The following BCOR variants were observed in gnomAD, a reference collection of about 807,000 sequenced individuals.
BCOR encodes the protein BCL-6 corepressor.
Under a neutral mutation model 86.7 loss-of-function variants are expected in BCOR, and 10 were observed. That is an observed-to-expected ratio of 0.12 (90% CI 0.07 to 0.20). The LOEUF (loss-of-function observed/expected upper bound fraction) is 0.20, where lower values mean the gene tolerates loss of function less well. Ranked by LOEUF, BCOR falls within the 10% of genes least tolerant of loss-of-function variation. The probability of loss-of-function intolerance (pLI) is 1.00; values close to 1 mark genes in which losing one functional copy is unlikely to be tolerated. For synonymous variants in BCOR, 611 were observed against 609.0 expected (o/e 1.00, Z -0.05); for missense variants, 1,259 against 1,452.1 (o/e 0.87, Z 2.16).
rs191816252 is a variant in BCOR, at chrX:40,058,436, G to T, written c.4429-1115C>A. Reference sequence around the variant, plus strand: ...CCAACACATGTTCCACTTGGCAAGGGGGGAGCTTGATGGGTCACAGCAGGC... The same window carrying T: ...CCAACACATGTTCCACTTGGCAAGGTGGGAGCTTGATGGGTCACAGCAGGC... On this transcript the variant is annotated intron_variant, in intron 10 of 14. Coordinates refer to ENST00000378444, the MANE Select transcript of BCOR (RefSeq NM_001123385.2). Among the ~76,000 whole-genome samples, 10 of 111,724 alleles carry T rather than the reference G, an allele frequency of 9.0e-5. No individual in the cohort carries two copies. In the East Asian group the frequency reaches 2.5e-3, roughly 28 times the overall value.
intron 1 of BCOR, among the ~76,000 whole-genome samples, chrX:40,175,048 C>T (rs1341437707): frequency 8.9e-6 from 1 of 112,286 alleles, no homozygotes; most frequent in Non-Finnish European, 1.9e-5. Flanking sequence ...GGTTTCCTGG[C>T]GAAGCGCCCA....
intron 3 of BCOR, among the ~76,000 whole-genome samples, chrX:40,075,767 T>A (rs997088186): frequency 9.0e-6 from 1 of 110,944 alleles, no homozygotes; most frequent in Non-Finnish European, 1.9e-5. Flanking sequence ...TCTAAAAAAA[T>A]TAAAATTAAA....
chrX:40,117,981 T>TCTCTCTCC (rs1218999433), intron 1 of BCOR, among the ~76,000 whole-genome samples: 1 of 103,125 alleles, frequency 9.7e-6, no homozygotes, highest in African/African-American at 3.7e-5. Context: ...TCTCTCTCTC[T>TCTCTCTCC]CCACCCCCCC....
At chrX:40,127,024 TCA>T (rs1937552622) in intron 1 of BCOR, among the ~76,000 whole-genome samples, 1 of 111,115 alleles carries the variant, frequency 9.0e-6, no homozygotes, top group South Asian at 3.8e-4. Context: ...ACAATATATT[TCA>T]GTTGTTTGAG....
At chrX:40,119,822 A>G (rs953649224) in intron 1 of BCOR, among the ~76,000 whole-genome samples, 1 of 110,298 alleles carries the variant, frequency 9.1e-6, no homozygotes, top group Non-Finnish European at 1.9e-5. Flanking sequence ...TACTTCCAGA[A>G]AATAAAAAAT....
intron 7 of BCOR, 99 bp downstream of exon 7, chrX:40,064,237 C>T (rs747830943): frequency 5.3e-4 from 600 of 1,133,934 alleles, no homozygotes; most frequent in Non-Finnish European, 6.8e-4. Context: ...ACTCTGTCTA[C>T]GGGGGCAGCG....
At position 40,064,426 on chromosome X, in the gene BCOR, C is replaced by T. The variant is rs745562672; in HGVS notation, c.3412G>A (p.Val1138Ile). ...PTLRVDRKRK[V>I]SGDSSHTETT... Reference sequence around the variant, plus strand: ...TCAGTGTGGCTGCTGTCACCTGAGACTTTGCGTTTCCTGTCCACCCGGAGG... The same window carrying T: ...TCAGTGTGGCTGCTGTCACCTGAGATTTTGCGTTTCCTGTCCACCCGGAGG... The change falls in exon 7 of 15, where the codon GTC becomes ATC. Residue 1138 changes from valine to isoleucine, a missense_variant. Coordinates refer to ENST00000378444, the MANE Select transcript of BCOR (RefSeq NM_001123385.2). 1 of 1,212,407 alleles carries T rather than the reference C, an allele frequency of 8.2e-7. No homozygotes were observed. The highest frequency in any genetic ancestry group is 1.8e-5 in the South Asian group (1 of 57,045).
At chrX:40,064,194 C>T (rs780077509) in intron 7 of BCOR, 142 bp downstream of exon 7, 18 of 951,291 alleles carry the variant, frequency 1.9e-5, no homozygotes, top group Non-Finnish European at 2.5e-5. Flanking sequence ...GAGGTCCGCT[C>T]CACTGCTGCG....
intron 1 of BCOR, among the ~76,000 whole-genome samples, chrX:40,154,070 C>CG (rs1184367987): frequency 9.0e-6 from 1 of 110,940 alleles, no homozygotes; most frequent in African/African-American, 3.3e-5. Context: ...AGGGAGGCGG[C>CG]GGGGGAGGGG....
At chrX:40,067,894 A>G (rs1341049097) in intron 6 of BCOR, 1 of 111,950 alleles carries the variant, frequency 8.9e-6, no homozygotes, top group Admixed American at 9.4e-5. Context: ...ACCCACAGAA[A>G]TTACTCTTGA....
intron 9 of BCOR, 145 bp downstream of exon 9, chrX:40,062,601 G>T: frequency 1.3e-6 from 1 of 751,319 alleles, no homozygotes; most frequent in Non-Finnish European, 2.0e-6. Context: ...CCACCCAGAA[G>T]ACATGCTCCT....
At chrX:40,157,598 T>C (rs1363506236) in intron 1 of BCOR, among the ~76,000 whole-genome samples, 7 of 112,247 alleles carry the variant, frequency 6.2e-5, no homozygotes, top group Admixed American at 5.6e-4. Flanking sequence ...CTTGAACCAG[T>C]GGGAGGTGTC....
At position 40,063,642 on chromosome X, in the gene BCOR, C is replaced by A; in HGVS notation, c.3813G>T (p.Ser1271=). The A allele has an allele frequency of 8.3e-7, 1 of 1,211,516 alleles. No individual in the cohort carries two copies. Among genetic ancestry groups the A allele is most frequent in the Non-Finnish European group, 1.1e-6 (1 of 895,240 alleles). Reference sequence around the variant, plus strand: ...TGTCACTGGGTTTAAGAGACTCTTCCGACCAGCTTCTGTTGCCTTTGGCCT... The same window carrying A: ...TGTCACTGGGTTTAAGAGACTCTTCAGACCAGCTTCTGTTGCCTTTGGCCT... The part of the protein sequence containing the change: ...RAEAKGNRSW[S]EESLKPSDNE... The change falls in exon 8 of 15, where the codon TCG becomes TCT. Residue 1271 remains serine, a synonymous_variant. Transcript: ENST00000378444.
intron 1 of BCOR, among the ~76,000 whole-genome samples, chrX:40,133,356 T>C (rs1391572931): frequency 9.0e-6 from 1 of 111,211 alleles, no homozygotes; most frequent in Non-Finnish European, 1.9e-5. Context: ...CAGGCTGGTC[T>C]CGAACTCCTG....
rs1936944825 is a variant in BCOR at position 40,097,416 on chromosome X, G to A, written c.-242C>T. On this transcript the variant is annotated 5_prime_UTR_variant, in exon 1 of 15. Coordinates refer to ENST00000378444, the MANE Select transcript of BCOR (RefSeq NM_001123385.2). ...AAGCGCGGCGAGCAGCAAAGTTTGC[G>A]GTCCCCGGCTGCCCGCAGCCCGCTC... 1 of 109,692 alleles carries A rather than the reference G, an allele frequency of 9.1e-6. No individual in the cohort carries two copies. The highest frequency in any genetic ancestry group is 3.3e-5 in the African/African-American group (1 of 30,244). 9.0% of individuals were successfully genotyped at this position (109,692 alleles called of 1,213,427 possible).
chrX:40,060,754 T>C (rs1934827969), intron 10 of BCOR, among the ~76,000 whole-genome samples: 1 of 113,066 alleles, frequency 8.8e-6, no homozygotes, highest in Non-Finnish European at 1.9e-5. Context: ...GTAACTGAGC[T>C]AATTTTCAAA....
intron 1 of BCOR, among the ~76,000 whole-genome samples, chrX:40,085,170 G>A (rs1223563335): frequency 8.8e-6 from 1 of 113,155 alleles, no homozygotes; most frequent in African/African-American, 3.2e-5. Flanking sequence ...AATGAGGCCT[G>A]CCTCGGAGCA....
chrX:40,051,442 G>A lies in BCOR; in HGVS notation c.*667C>T, dbSNP rs1203092870. On this transcript the variant is annotated 3_prime_UTR_variant, in exon 15 of 15. Coordinates refer to ENST00000378444, the MANE Select transcript of BCOR (RefSeq NM_001123385.2). The stretch of plus-strand genomic sequence containing the variant: ...TATGTTAGTTTTCAATATTTTACAG[G>A]GTACAGAAAAAAATAGCTCAAAGTC... The A allele has an allele frequency of 5.9e-6, 1 of 169,687 alleles. No individual in the cohort carries two copies. Among genetic ancestry groups the A allele is most frequent in the Non-Finnish European group, 1.1e-5 (1 of 88,853 alleles). 14.0% of individuals were successfully genotyped at this position (169,687 alleles called of 1,213,427 possible). A position where few individuals can be genotyped will look rare whatever the true frequency, so the allele number is the denominator to read the frequency against.
intron 1 of BCOR, among the ~76,000 whole-genome samples, chrX:40,090,439 C>T (rs1030548505): frequency 9.4e-4 from 106 of 113,054 alleles, no homozygotes; most frequent in Non-Finnish European, 1.5e-3. Flanking sequence ...CCCCGGCCCC[C>T]ACCCAGTTCG....
Sources: gnomAD v4.1 joint callset for allele counts (sites outside exome capture counted in the v4.1 genomes callset) on GRCh38, gnomAD v4.1.1 for gene constraint, MANE v1.5 for transcripts, NCBI Gene and HGNC (gene_info 2026-07-23, HGNC 2026-07-21) for gene names.